Variants in ZNF268 observed in about 807,000 individuals in gnomAD.
ZNF268 encodes the protein zinc finger protein 3.
ZNF268 carries 20 observed loss-of-function variants against 29.3 expected under a neutral mutation model. The ratio of observed to expected loss-of-function variants is 0.68; its 90% CI spans 0.48 to 0.99. The LOEUF (loss-of-function observed/expected upper bound fraction) is 0.99, where lower values mean the gene tolerates loss of function less well. Ranked by LOEUF, ZNF268 falls within the 50% of genes least tolerant of loss-of-function variation. The pLI is 0.00. For synonymous variants in ZNF268, 429 were observed against 376.9 expected (o/e 1.14, Z -1.60); for missense variants, 1,240 against 1,121.6 (o/e 1.11, Z -1.51).
intron 5 of ZNF268, among the ~76,000 whole-genome samples, chr12:133,195,366 T>C (rs1056797831): frequency 6.6e-6 from 1 of 152,164 alleles, no homozygotes; most frequent in African/African-American, 2.4e-5. Context: ...TAAATAATCT[T>C]CAAGCTTAAG....
At position 133,207,311 on chromosome 12, in the gene ZNF268, A is replaced by G. The variant is rs369941317; in HGVS notation, c.*2781A>G. On this transcript the variant is annotated 3_prime_UTR_variant, in exon 6 of 6. Coordinates refer to ENST00000536435, the MANE Select transcript of ZNF268 (RefSeq NM_003415.3). ...ACCATATTTGTGAACATAGGTTTAAAAATCCATATTTGTGAACATAGGTTT... is the reference window on the plus strand; with the variant it reads ...ACCATATTTGTGAACATAGGTTTAAGAATCCATATTTGTGAACATAGGTTT... 2.5e-4 allele frequency: 5 copies of G among 20,070 alleles called. No homozygotes were observed. The highest frequency in any genetic ancestry group is 5.8e-4 in the Non-Finnish European group (5 of 8,622). The allele number at this position is 20,070 out of a possible 1,614,324, so 1.2% of individuals were successfully genotyped here. A position where few individuals can be genotyped will look rare whatever the true frequency, so the allele number is the denominator to read the frequency against.
intron 2 of ZNF268, among the ~76,000 whole-genome samples, chr12:133,186,490 C>T (rs570800237): frequency 6.6e-6 from 1 of 151,754 alleles, no homozygotes; most frequent in Admixed American, 6.6e-5. Context: ...TCTCCTGCCT[C>T]AGCCTCCCAA....
At chr12:133,186,669 C>T (rs937123103) in intron 2 of ZNF268, among the ~76,000 whole-genome samples, 6 of 152,078 alleles carry the variant, frequency 3.9e-5, no homozygotes, top group Admixed American at 1.3e-4. Context: ...TGAGCCACTG[C>T]GCCCAGCCTC....
At position 133,190,068 on chromosome 12, in the gene ZNF268, A is replaced by C. The variant is rs537854309; in HGVS notation, c.235-1421A>C. ...TGTGATCTGCCCGCCTCGGCCTCCCAAAGTGCTAGGGTTACAGGCGTGAGC... is the reference window on the plus strand; with the variant it reads ...TGTGATCTGCCCGCCTCGGCCTCCCCAAGTGCTAGGGTTACAGGCGTGAGC... On this transcript the variant is annotated intron_variant, in intron 3 of 5. Coordinates refer to ENST00000536435, the MANE Select transcript of ZNF268 (RefSeq NM_003415.3). Among the ~76,000 whole-genome samples the C allele has an allele frequency of 9.1e-4, 139 of 152,302 alleles. 1 individual carries two copies. The highest frequency in any genetic ancestry group is 6.8e-3 in the Middle Eastern group (2 of 294).
chr12:133,203,460 G>T lies in ZNF268; in HGVS notation c.1774G>T (p.Ala592Ser). 6.5e-7 allele frequency: 1 copy of T among 1,542,146 alleles called. No individual in the cohort carries two copies. The highest frequency in any genetic ancestry group is 2.0e-5 in the Admixed American group (1 of 51,048). The change falls in exon 6 of 6, where the codon GCT (alanine) becomes TCT (serine). Residue 592 changes from alanine (A) to serine (S), a missense_variant. Ala to Ser is a moderately conservative substitution (Grantham distance 99, BLOSUM62 1). Coordinates refer to ENST00000536435, the MANE Select transcript of ZNF268 (RefSeq NM_003415.3). The stretch of plus-strand genomic sequence containing the variant: ...TTATGAATGCACCGACTGTGGAAAG[G>T]CTTTTGGTTTAAAGTCACAGCTTAT... ...KPYECTDCGKAFGLKSQLIIH... is the reference protein window; with the variant it reads ...KPYECTDCGKSFGLKSQLIIH...
chr12:133,182,128 C>T, intron 2 of ZNF268, 98 bp downstream of exon 2: 1 of 1,216,440 alleles, frequency 8.2e-7, no homozygotes, highest in Non-Finnish European at 1.2e-6. Flanking sequence ...GGAGCTTTCT[C>T]ACCCCACCGC....
Position 133,205,159 on chromosome 12 carries a change from AAAAAAAAAAAAAAAC to A in ZNF268, c.*630_*644del, listed in dbSNP as rs1418928305. 6 of 133,830 alleles carry A rather than the reference AAAAAAAAAAAAAAAC, an allele frequency of 4.5e-5. No individual in the cohort carries two copies. The highest frequency in any genetic ancestry group is 2.5e-4 in the East Asian group (1 of 4,030). The allele number at this position is 133,830 out of a possible 1,614,324, so 8.3% of individuals were successfully genotyped here. ...AGCTTCATTCTAAAAAAAAAAAAAA[AAAAAAAAAAAAAAAC>A]CAACCTGTTATTATATCTTAATATT... On this transcript the variant is annotated 3_prime_UTR_variant, in exon 6 of 6. Transcript: ENST00000536435.
chr12:133,187,975 C>A lies in ZNF268; in HGVS notation c.137C>A (p.Pro46His). 1 of 1,599,100 alleles carries A rather than the reference C, an allele frequency of 6.3e-7. No individual in the cohort carries two copies. The highest frequency in any genetic ancestry group is 2.2e-5 in the East Asian group (1 of 44,506). ...GQGTPGLQPL[P>H]GTPRQKQKSR... ...GGGACTCCTGGTCTGCAACCTCTCC[C>A]TGGAACACCCAGGCAGAAGCAGAAG... is the stretch of plus-strand genomic sequence containing the variant. Residue 46 changes from proline (P) to histidine (H), a missense_variant, in exon 3 of 6, where the codon CCT (proline) becomes CAT (histidine). By Grantham distance (77) the Pro-to-His change is moderately conservative. Around this residue, in one of 3 missense-constraint regions of ZNF268, gnomAD observed 12 missense variants for 30.6 expected, o/e 0.39. Transcript: ENST00000536435.
In ZNF268 at chr12:133,203,318, T is replaced by C. The variant is rs544577723; in HGVS notation, c.1632T>C (p.Ile544=). Reference sequence around the variant, plus strand: ...CCTTCAGTTTTAAATCACAGCTCATTATACATCAGAGGATTCATACAGGAG... The same window carrying C: ...CCTTCAGTTTTAAATCACAGCTCATCATACATCAGAGGATTCATACAGGAG... ...GKAFSFKSQL[I]IHQRIHTGEN... The change falls in exon 6 of 6, where the codon ATT becomes ATC. Residue 544 remains isoleucine (I), a synonymous_variant. Coordinates refer to ENST00000536435, the MANE Select transcript of ZNF268 (RefSeq NM_003415.3). 4 of 1,543,892 alleles carry C rather than the reference T, an allele frequency of 2.6e-6. No individual in the cohort carries two copies. In the South Asian group the frequency reaches 4.7e-5, roughly 18 times the overall value.
Position 133,202,418 on chromosome 12 carries a change from T to C in ZNF268, c.732T>C (p.Ile244=). Residue 244 remains isoleucine (I), a synonymous_variant, in exon 6 of 6, where the codon ATT becomes ATC. Coordinates refer to ENST00000536435, the MANE Select transcript of ZNF268 (RefSeq NM_003415.3). ...FFHSKHEQTV[I]GIKYCESIES... is the part of the protein sequence containing the mutation. ...ATTCTAAACATGAGCAAACTGTTATTGGAATAAAATACTGTGAAAGTATTG... is the reference window on the plus strand; with the variant it reads ...ATTCTAAACATGAGCAAACTGTTATCGGAATAAAATACTGTGAAAGTATTG... 6.2e-7 allele frequency: 1 copy of C among 1,610,824 alleles called. No homozygotes were observed. The highest frequency in any genetic ancestry group is 8.5e-7 in the Non-Finnish European group (1 of 1,178,270).
chr12:133,203,708 A>G lies in ZNF268; in HGVS notation c.2022A>G (p.Ala674=). Residue 674 remains alanine, a synonymous_variant, in exon 6 of 6, where the codon GCA becomes GCG. Coordinates refer to ENST00000536435, the MANE Select transcript of ZNF268 (RefSeq NM_003415.3). ...AACCCTATGGATGCAGTCAATGTGCAAAAACCTTTAGTTTGAAGTCCCAGC... is the reference window on the plus strand; with the variant it reads ...AACCCTATGGATGCAGTCAATGTGCGAAAACCTTTAGTTTGAAGTCCCAGC... The part of the protein sequence containing the change: ...GVKPYGCSQC[A]KTFSLKSQLI... 5 of 1,547,086 alleles carry G rather than the reference A, an allele frequency of 3.2e-6. No individual in the cohort carries two copies. Among genetic ancestry groups the G allele is most frequent in the Non-Finnish European group, 4.3e-6 (5 of 1,152,130 alleles).
At position 133,204,749 on chromosome 12, in the gene ZNF268, A is replaced by T; in HGVS notation, c.*219A>T. On this transcript the variant is annotated 3_prime_UTR_variant, in exon 6 of 6. Transcript: ENST00000536435. ...CACAGGAAAACTGAATTTAGTAACC[A>T]CTCTGAAAATTTTTAGCAGCAAGTC... 2.4e-6 allele frequency: 1 copy of T among 408,166 alleles called. No homozygotes were observed. Among genetic ancestry groups the T allele is most frequent in the Non-Finnish European group, 4.3e-6 (1 of 231,604 alleles). 25.3% of individuals were successfully genotyped at this position (408,166 alleles called of 1,614,324 possible).
intron 2 of ZNF268, among the ~76,000 whole-genome samples, chr12:133,185,218 C>A (rs777341189): frequency 1.3e-4 from 20 of 149,810 alleles, no homozygotes; most frequent in Middle Eastern, 3.6e-3. Context: ...TGTGTGGTGG[C>A]TACTTTAGCT....
At position 133,202,360 on chromosome 12, in the gene ZNF268, A is replaced by G. The variant is rs778756365; in HGVS notation, c.674A>G (p.Asn225Ser). 6.2e-7 allele frequency: 1 copy of G among 1,611,392 alleles called. No homozygotes were observed. Among genetic ancestry groups the G allele is most frequent in the Admixed American group, 1.7e-5 (1 of 59,546 alleles). ...FTSDYARNNPNGFQVHGKSFF... is the reference protein window; with the variant it reads ...FTSDYARNNPSGFQVHGKSFF... ...AGTGATTATGCTAGAAATAATCCTA[A>G]TGGGTTTCAGGTACATGGAAAATCA... Residue 225 changes from asparagine to serine, a missense_variant, in exon 6 of 6, where the codon AAT becomes AGT. By Grantham distance (46) the Asn-to-Ser change is conservative (BLOSUM62 1). Transcript: ENST00000536435.
intron 5 of ZNF268, among the ~76,000 whole-genome samples, chr12:133,195,560 A>T (rs74473621): frequency 0.016 from 2,444 of 152,164 alleles, 53 homozygotes; most frequent in African/African-American, 0.056. Flanking sequence ...TTTAAAAATT[A>T]GGTGGTCATG....
At chr12:133,195,314 C>A (rs978503328) in intron 5 of ZNF268, among the ~76,000 whole-genome samples, 11 of 152,120 alleles carry the variant, frequency 7.2e-5, no homozygotes, top group African/African-American at 2.4e-4. Flanking sequence ...TGCCTTTGGA[C>A]CACAGCCAGG....
Position 133,203,126 on chromosome 12 carries a change from A to T in ZNF268, c.1440A>T (p.Gly480=). The T allele has an allele frequency of 6.5e-7, 1 of 1,537,306 alleles. No homozygotes were observed. Among genetic ancestry groups the T allele is most frequent in the Non-Finnish European group, 8.7e-7 (1 of 1,146,714 alleles). The change falls in exon 6 of 6, where the codon GGA becomes GGT. Residue 480 remains glycine (G), a synonymous_variant. Transcript: ENST00000536435. ...KPYGCIQCGK[G]FSLKSQLIVH... Reference sequence around the variant, plus strand: ...ATGGGTGTATTCAGTGTGGTAAAGGATTCAGTTTGAAATCACAGCTCATTG... The same window carrying T: ...ATGGGTGTATTCAGTGTGGTAAAGGTTTCAGTTTGAAATCACAGCTCATTG...
chr12:133,189,577 T>G, intron 3 of ZNF268, among the ~76,000 whole-genome samples: 1 of 152,210 alleles, frequency 6.6e-6, no homozygotes. Context: ...CCAACTTTTA[T>G]GTATTGACCA....
rs370384798 is a variant in ZNF268 at position 133,212,514 on chromosome 12, C to T, written c.*7984C>T. ...ATATATATATGTATATATACACACA[C>T]ACATACACACATATATACACATATA... On this transcript the variant is annotated 3_prime_UTR_variant, in exon 6 of 6. Coordinates refer to ENST00000536435, the MANE Select transcript of ZNF268 (RefSeq NM_003415.3). 8.2e-4 allele frequency: 68 copies of T among 83,408 alleles called. 4 individuals carry two copies. Among genetic ancestry groups the T allele is most frequent in the African/African-American group, 3.0e-3 (51 of 17,052 alleles). 5.2% of individuals were successfully genotyped at this position (83,408 alleles called of 1,614,324 possible).
Sources: allele counts gnomAD v4.1 joint callset (sites outside exome capture counted in the v4.1 genomes callset), GRCh38; gene constraint gnomAD v4.1.1; regional missense constraint gnomAD v4.1.1; transcripts MANE v1.5; gene names NCBI Gene and HGNC (gene_info 2026-07-23, HGNC 2026-07-21).